The following PKHD1L1 variants were observed in gnomAD, a reference collection of about 807,000 sequenced individuals.
PKHD1L1 encodes PKHD1 like 1.
In PKHD1L1, 434 loss-of-function variants were observed where a neutral mutation model predicts 462.9. The observed-to-expected ratio is 0.94, with a 90% CI of 0.87 to 1.02. The LOEUF is 1.02. PKHD1L1 is among the 50% of genes least tolerant of loss of function. PKHD1L1 has a pLI of 0.00. For synonymous variants in PKHD1L1, 1,781 were observed against 1,750.0 expected, an observed-to-expected ratio of 1.02 and a Z score of -0.44; for missense variants, 5,202 against 5,096.1, an observed-to-expected ratio of 1.02 and a Z score of -0.63.
intron 48 of PKHD1L1, among the ~76,000 whole-genome samples, chr8:109,463,735 A>G (rs765109216): frequency 7.2e-5 from 11 of 152,202 alleles, no homozygotes; most frequent in Non-Finnish European, 1.6e-4. Flanking sequence ...CAGCCTTTCT[A>G]AACTTCCATT....
In PKHD1L1 at chr8:109,537,066, T is replaced by C. The variant is rs1259324060; in HGVS notation, c.*6976T>C. On this transcript the variant is annotated 3_prime_UTR_variant, in exon 78 of 78. Coordinates refer to ENST00000378402, the MANE Select transcript of PKHD1L1 (RefSeq NM_177531.6). ...TTAAAATTCTCATCAGAAAATCCTATGCTTTCAAATGTATCTGCTCAAAGA... is the reference window on the plus strand; with the variant it reads ...TTAAAATTCTCATCAGAAAATCCTACGCTTTCAAATGTATCTGCTCAAAGA... 6.6e-6 allele frequency among the ~76,000 whole-genome samples: 1 copy of C among 152,264 alleles called. No homozygotes were observed. Among genetic ancestry groups the C allele is most frequent in the East Asian group, 1.9e-4 (1 of 5,204 alleles).
At chr8:109,444,009 A>C in intron 37 of PKHD1L1, 107 bp downstream of exon 37, 1 of 929,256 alleles carries the variant, frequency 1.1e-6, no homozygotes, top group Non-Finnish European at 1.6e-6. Context: ...GAGCTATATC[A>C]CATACCATAC....
chr8:109,402,576 G>A (rs1033447226), intron 14 of PKHD1L1, among the ~76,000 whole-genome samples: 1 of 152,064 alleles, frequency 6.6e-6, no homozygotes, highest in Admixed American at 6.6e-5. Context: ...GTAAAGAGGG[G>A]AGTCCTAATG....
At position 109,430,027 on chromosome 8, in the gene PKHD1L1, C is replaced by A; in HGVS notation, c.3219C>A (p.Ser1073Arg). 1 of 1,603,880 alleles carries A rather than the reference C, an allele frequency of 6.2e-7. No individual in the cohort carries two copies. The highest frequency in any genetic ancestry group is 8.5e-7 in the Non-Finnish European group (1 of 1,176,062). ...SNITPLVLAI[S>R]PSQGSYEEGT... Reference sequence around the variant, plus strand: ...TTACTCCCCTAGTCTTGGCGATAAGCCCTTCTCAAGGTAACTTCCTGATTT... The same window carrying A: ...TTACTCCCCTAGTCTTGGCGATAAGACCTTCTCAAGGTAACTTCCTGATTT... The change falls in exon 27 of 78, where the codon AGC becomes AGA. Residue 1073 changes from serine (S) to arginine (R), a missense_variant. Physicochemically the swap from Ser to Arg is moderately radical, Grantham distance 110. This residue lies in a region of PKHD1L1 where 4,497 missense variants were observed against 4,336.8 expected (regional missense o/e 1.04). Transcript: ENST00000378402.
In PKHD1L1 at chr8:109,406,330, CAA is replaced by C. The variant is rs1563743807; in HGVS notation, c.1670-3_1670-2del. On this transcript the variant is annotated splice_polypyrimidine_tract_variant and splice_region_variant and intron_variant, in intron 16 of 77. Transcript: ENST00000378402. ...GTTTGTTTGTTTGTTTTAATCCAAT[CAA>C]AGTCTTCCTACCTGCTGATGCTTCT... is the stretch of plus-strand genomic sequence containing the variant. 9 of 1,542,880 alleles carry C rather than the reference CAA, an allele frequency of 5.8e-6. No individual in the cohort carries two copies. Among genetic ancestry groups the C allele is most frequent in the Non-Finnish European group, 7.9e-6 (9 of 1,144,412 alleles).
chr8:109,527,810 A>C (rs1820893790), intron 77 of PKHD1L1, among the ~76,000 whole-genome samples: 1 of 152,166 alleles, frequency 6.6e-6, no homozygotes, highest in African/African-American at 2.4e-5. Context: ...ACACACCAAC[A>C]TCTTCTACCA....
At chr8:109,459,195 C>A (rs1457284) in intron 46 of PKHD1L1, among the ~76,000 whole-genome samples, 13 of 151,732 alleles carry the variant, frequency 8.6e-5, no homozygotes, top group African/African-American at 3.1e-4. Flanking sequence ...CTCTACCTAC[C>A]AGATGCCAGT....
rs117765742 is a variant in PKHD1L1 at position 109,475,295 on chromosome 8, T to C, written c.8757+26T>C. The C allele has an allele frequency of 9.6e-3, 14,707 of 1,527,626 alleles. 88 individuals are homozygous for C. The highest frequency in any genetic ancestry group is 0.016 in the Middle Eastern group (85 of 5,162). The allele number at this position is 1,527,626 out of a possible 1,614,324, so 94.6% of individuals were successfully genotyped here. A position where few individuals can be genotyped will look rare whatever the true frequency, so the allele number is the denominator to read the frequency against. On this transcript the variant is annotated intron_variant, in intron 51 of 77. Coordinates refer to ENST00000378402, the MANE Select transcript of PKHD1L1 (RefSeq NM_177531.6). ...GTAAAAATATTTATCTTCTAATGAT[T>C]ATAATTGTGTATTACCCAAACACAG...
chr8:109,369,627 A>G (rs1811396787), intron 2 of PKHD1L1, among the ~76,000 whole-genome samples: 1 of 73,876 alleles, frequency 1.4e-5, no homozygotes, highest in Non-Finnish European at 3.3e-5. Flanking sequence ...ATAGGAAAAT[A>G]TATATATATA....
chr8:109,448,088 G>T (rs17446497), intron 38 of PKHD1L1, 55 bp from the exon 39 acceptor site: 57,082 of 1,424,788 alleles, frequency 0.04, 1,790 homozygotes, highest in Admixed American at 0.17. Flanking sequence ...ATCTTTAAAT[G>T]GATGTGTATT....
At chr8:109,452,667 A>G in intron 42 of PKHD1L1, 51 bp from the exon 43 acceptor site, 1 of 1,277,246 alleles carries the variant, frequency 7.8e-7, no homozygotes, top group Non-Finnish European at 1.0e-6. Context: ...AATCGAATGA[A>G]AAACTCTGGT....
chr8:109,509,313 A>T (rs968463312), intron 70 of PKHD1L1, among the ~76,000 whole-genome samples: 3 of 152,072 alleles, frequency 2.0e-5, no homozygotes, highest in African/African-American at 7.2e-5. Flanking sequence ...GAGTAATAGA[A>T]GAGATCTTTC....
chr8:109,492,118 G>C, intron 62 of PKHD1L1, 124 bp downstream of exon 62: 1 of 760,094 alleles, frequency 1.3e-6, no homozygotes, highest in African/African-American at 2.4e-5. Context: ...AGTTTCGATG[G>C]CCATTGATTT....
intron 68 of PKHD1L1, among the ~76,000 whole-genome samples, chr8:109,505,810 C>A (rs772394392): frequency 1.4e-4 from 22 of 152,220 alleles, no homozygotes; most frequent in Non-Finnish European, 2.4e-4. Flanking sequence ...GAGGCTGAGG[C>A]AGGAGGATTG....
chr8:109,452,967 G>T (rs1300111998), intron 43 of PKHD1L1, 93 bp downstream of exon 43: 3 of 1,097,120 alleles, frequency 2.7e-6, no homozygotes, highest in African/African-American at 1.6e-5. Context: ...AACAAACATA[G>T]TTGCACTATC....
intron 72 of PKHD1L1, among the ~76,000 whole-genome samples, chr8:109,516,388 A>G (rs529780250): frequency 6.6e-6 from 1 of 152,170 alleles, no homozygotes; most frequent in East Asian, 1.9e-4. Context: ...GTGTCCTGAC[A>G]TGGCTGAGAG....
intron 36 of PKHD1L1, 92 bp downstream of exon 36, chr8:109,443,208 T>A (rs1815914670): frequency 1.6e-6 from 2 of 1,236,446 alleles, no homozygotes; most frequent in South Asian, 2.7e-5. Flanking sequence ...TGGGTCTAAC[T>A]GTGCTTCTAT....
intron 2 of PKHD1L1, among the ~76,000 whole-genome samples, chr8:109,381,161 C>T (rs1401696099): frequency 6.6e-6 from 1 of 152,090 alleles, no homozygotes; most frequent in Non-Finnish European, 1.5e-5. Context: ...TATCTACCCT[C>T]CAGCAATACT....
intron 59 of PKHD1L1, among the ~76,000 whole-genome samples, chr8:109,487,663 C>T (rs142543343): frequency 7.2e-5 from 11 of 151,772 alleles, no homozygotes; most frequent in African/African-American, 2.4e-4. Flanking sequence ...TGTTCTTGTC[C>T]CCCTGTATTT....
Sources: allele counts gnomAD v4.1 joint callset (sites outside exome capture counted in the v4.1 genomes callset), GRCh38; gene constraint gnomAD v4.1.1; regional missense constraint gnomAD v4.1.1; transcripts MANE v1.5; gene names NCBI Gene and HGNC (gene_info 2026-07-23, HGNC 2026-07-21).